The following NME7 variants were observed in gnomAD, a reference collection of about 807,000 sequenced individuals.
NME7 encodes the protein nucleoside diphosphate kinase 7.
In NME7, 41 loss-of-function variants were observed where a neutral mutation model predicts 49.1. The observed-to-expected ratio is 0.83, with a 90% CI of 0.65 to 1.08. The LOEUF is 1.08. Ranked by LOEUF, NME7 falls within the 50% of genes least tolerant of loss-of-function variation. The pLI is 0.00. For synonymous variants in NME7, 139 were observed against 150.6 expected (o/e 0.92, Z 0.56); for missense variants, 423 against 463.4 (o/e 0.91, Z 0.80).
At chr1:169,215,039 A>C (rs1326692136) in intron 10 of NME7, among the ~76,000 whole-genome samples, 1 of 152,242 alleles carries the variant, frequency 6.6e-6, no homozygotes, top group Non-Finnish European at 1.5e-5. Context: ...GCCCAAGAAG[A>C]ATGAAGTCAC....
chr1:169,278,760 C>G (rs1222775155), intron 7 of NME7, among the ~76,000 whole-genome samples: 1 of 152,192 alleles, frequency 6.6e-6, no homozygotes, highest in Non-Finnish European at 1.5e-5. Flanking sequence ...GAGAGGCACT[C>G]TGCTTTTTAG....
intron 7 of NME7, among the ~76,000 whole-genome samples, chr1:169,251,621 A>G (rs963281993): frequency 6.3e-5 from 9 of 143,266 alleles, no homozygotes; most frequent in Middle Eastern, 3.6e-3. Flanking sequence ...CAGGTTAGTT[A>G]CATATGTATA....
At chr1:169,132,842 C>G (rs771102742) in intron 11 of NME7, 25 bp from the exon 12 acceptor site, 1 of 1,611,232 alleles carries the variant, frequency 6.2e-7, no homozygotes, top group South Asian at 1.1e-5. Flanking sequence ...CACATAATTT[C>G]TTAGTTCAGA....
At chr1:169,291,646 T>TATAATAATAATAATA (rs36042457) in intron 6 of NME7, among the ~76,000 whole-genome samples, 102 of 149,482 alleles carry the variant, frequency 6.8e-4, no homozygotes, top group African/African-American at 2.4e-3. Flanking sequence ...GAACTTAAAG[T>TATAATAATAATAATA]ATAATAATAA....
chr1:169,283,534 A>G (rs1650126012), intron 7 of NME7, among the ~76,000 whole-genome samples: 1 of 152,118 alleles, frequency 6.6e-6, no homozygotes, highest in Admixed American at 6.6e-5. Context: ...CAGTTTCTTC[A>G]TAGTGTCGAT....
chr1:169,342,164 G>A (rs1652731397), intron 1 of NME7, among the ~76,000 whole-genome samples: 1 of 152,076 alleles, frequency 6.6e-6, no homozygotes, highest in Non-Finnish European at 1.5e-5. Context: ...GTTGAGGCAG[G>A]GACCTAGTGG....
At chr1:169,229,499 C>G (rs1647500432) in intron 10 of NME7, among the ~76,000 whole-genome samples, 1 of 152,194 alleles carries the variant, frequency 6.6e-6, no homozygotes. Context: ...TAACAATATC[C>G]TTATTTGCAT....
intron 4 of NME7, among the ~76,000 whole-genome samples, chr1:169,305,016 A>G (rs1651118648): frequency 6.6e-6 from 1 of 152,228 alleles, no homozygotes; most frequent in Non-Finnish European, 1.5e-5. Context: ...AGAAAGGAAA[A>G]AGCAATCATA....
At chr1:169,305,221 TAAC>T (rs1304886530) in intron 4 of NME7, among the ~76,000 whole-genome samples, 1 of 152,254 alleles carries the variant, frequency 6.6e-6, no homozygotes, top group African/African-American at 2.4e-5. Flanking sequence ...AAATAGGTAT[TAAC>T]AAGTGAATCA....
At chr1:169,335,646 G>A (rs577307694) in intron 1 of NME7, among the ~76,000 whole-genome samples, 36 of 149,794 alleles carry the variant, frequency 2.4e-4, no homozygotes, top group African/African-American at 8.1e-4. Flanking sequence ...AAACCTGCAC[G>A]TTCTGCACAT....
At chr1:169,133,702 A>G (rs1658332037) in intron 11 of NME7, among the ~76,000 whole-genome samples, 1 of 152,224 alleles carries the variant, frequency 6.6e-6, no homozygotes, top group Admixed American at 6.5e-5. Flanking sequence ...AGTAGTTGAA[A>G]TGACACAGAA....
At chr1:169,152,826 C>A (rs950079064) in intron 11 of NME7, among the ~76,000 whole-genome samples, 4 of 152,056 alleles carry the variant, frequency 2.6e-5, no homozygotes, top group Non-Finnish European at 5.9e-5. Flanking sequence ...AGTTTTGGAA[C>A]CTTTATCGAG....
chr1:169,248,781 T>C (rs1648428491), intron 7 of NME7, among the ~76,000 whole-genome samples: 2 of 152,084 alleles, frequency 1.3e-5, no homozygotes, highest in African/African-American at 2.4e-5. Context: ...TGAAGATCAG[T>C]TGGTTGTAAG....
intron 5 of NME7, 152 bp downstream of exon 5, chr1:169,302,993 G>C: frequency 2.2e-6 from 1 of 452,480 alleles, no homozygotes; most frequent in Non-Finnish European, 4.0e-6. Context: ...AAAAGACAGA[G>C]AATATAATTC....
chr1:169,253,556 C>T (rs1648741847), intron 7 of NME7, among the ~76,000 whole-genome samples: 1 of 152,110 alleles, frequency 6.6e-6, no homozygotes, highest in South Asian at 2.1e-4. Flanking sequence ...CCCTTTATTT[C>T]CTTCTCCTGC....
At chr1:169,216,087 TAC>T (rs1553246802) in intron 10 of NME7, among the ~76,000 whole-genome samples, 1 of 152,256 alleles carries the variant, frequency 6.6e-6, no homozygotes, top group Non-Finnish European at 1.5e-5. Flanking sequence ...TTGTGAAATA[TAC>T]ATTTGATCTT....
chr1:169,299,771 G>A (rs3766090), intron 5 of NME7, among the ~76,000 whole-genome samples: 47,845 of 151,734 alleles, frequency 0.32, 8,405 homozygotes, highest in East Asian at 0.67. Context: ...AAGTATTCTT[G>A]TCTTCTATCC....
At chr1:169,135,770 T>G (rs1017268579) in intron 11 of NME7, among the ~76,000 whole-genome samples, 2 of 152,132 alleles carry the variant, frequency 1.3e-5, no homozygotes, top group Non-Finnish European at 2.9e-5. Flanking sequence ...TGGTTCATGC[T>G]TTAATTCTCT....
intron 3 of NME7, among the ~76,000 whole-genome samples, chr1:169,312,605 A>G (rs989961485): frequency 5.3e-5 from 8 of 152,232 alleles, no homozygotes; most frequent in African/African-American, 1.4e-4. Context: ...AACCCAGAAT[A>G]TAGATTTCCA....
Sources: gnomAD v4.1 joint callset for allele counts (sites outside exome capture counted in the v4.1 genomes callset) on GRCh38, gnomAD v4.1.1 for gene constraint, MANE v1.5 for transcripts, NCBI Gene and HGNC (gene_info 2026-07-23, HGNC 2026-07-21) for gene names.